Variants in CFAP20DC observed in about 807,000 individuals in gnomAD.
CFAP20DC encodes CFAP20 domain containing, also known as protein CFAP20DC.
A neutral mutation model predicts 101.7 loss-of-function variants in CFAP20DC; 84 were observed. The ratio of observed to expected loss-of-function variants is 0.83; its 90% confidence interval spans 0.69 to 0.99. The LOEUF is 0.99. Among genes scored for constraint, CFAP20DC ranks in the 50% least tolerant of loss-of-function variants. The pLI, the probability that CFAP20DC is intolerant of heterozygous loss-of-function variation, is 0.00. For synonymous variants in CFAP20DC, 359 were observed against 351.2 expected, an observed-to-expected ratio of 1.02 and a Z score of -0.25; for missense variants, 1,007 against 970.3, an observed-to-expected ratio of 1.04 and a Z score of -0.50.
Position 59,047,621 on chromosome 3 carries a change from G to A in CFAP20DC, c.22-367C>T, listed in dbSNP as rs867985817. ...TGCAACCACACTAAAGGGTTTAAAC[G>A]CAATTCTTGAATCAGGCCAATACAT... On this transcript the variant is annotated intron_variant, in intron 1 of 16. Transcript: ENST00000482387. 7.2e-5 allele frequency among the ~76,000 whole-genome samples: 11 copies of A among 152,216 alleles called. No homozygotes were observed. In the South Asian group the frequency reaches 1.0e-3, roughly 14 times the overall value.
At chr3:58,818,562 A>G (rs2075373905) in intron 14 of CFAP20DC, among the ~76,000 whole-genome samples, 1 of 149,532 alleles carries the variant, frequency 6.7e-6, no homozygotes, top group Admixed American at 6.7e-5. Context: ...ACATAATGGT[A>G]AAGGGATCAA....
In CFAP20DC at chr3:58,863,935, T is replaced by C. The variant is rs778864224; in HGVS notation, c.1259-43A>G. On this transcript the variant is annotated intron_variant, in intron 11 of 16. Coordinates refer to ENST00000482387, the MANE Select transcript of CFAP20DC (RefSeq NM_001394063.1). This position sits in a 1 kb window ranked among gnomAD's most constrained non-coding sequence, Gnocchi z 5.9. ...TGACAAAAATTAGAGCAGTAATCCA[T>C]AAAAGTGTTATTTTTATTTATTTAT... 3 of 1,516,978 alleles carry C rather than the reference T, an allele frequency of 2.0e-6. No individual in the cohort carries two copies. The highest frequency in any genetic ancestry group is 1.3e-5 in the South Asian group (1 of 76,930). 94.0% of individuals were successfully genotyped at this position (1,516,978 alleles called of 1,614,324 possible).
At chr3:58,966,636 A>C (rs939407250) in intron 4 of CFAP20DC, among the ~76,000 whole-genome samples, 17 of 150,660 alleles carry the variant, frequency 1.1e-4, no homozygotes, top group Admixed American at 6.6e-4. Flanking sequence ...CGATTCTCCT[A>C]CCTCAGCCTC....
intron 7 of CFAP20DC, among the ~76,000 whole-genome samples, chr3:58,881,417 T>G (rs2081221519): frequency 6.6e-6 from 1 of 152,106 alleles, no homozygotes; most frequent in Non-Finnish European, 1.5e-5. Flanking sequence ...AATAAGATCA[T>G]CAGATTCCAC....
At chr3:58,854,325 G>A (rs1369167196) in intron 12 of CFAP20DC, among the ~76,000 whole-genome samples, 2 of 151,254 alleles carry the variant, frequency 1.3e-5, no homozygotes, top group African/African-American at 4.9e-5. Context: ...ACTGCTCAAG[G>A]AAATAAAAGA....
At chr3:58,989,357 G>A (rs1474194445) in intron 4 of CFAP20DC, among the ~76,000 whole-genome samples, 2 of 152,200 alleles carry the variant, frequency 1.3e-5, no homozygotes, top group African/African-American at 4.8e-5. Flanking sequence ...AGAACATGCT[G>A]TTTTTAGAAT....
chr3:59,025,537 T>C, intron 4 of CFAP20DC, among the ~76,000 whole-genome samples: 1 of 152,176 alleles, frequency 6.6e-6, no homozygotes, highest in East Asian at 1.9e-4. Flanking sequence ...ACTTAGAATT[T>C]GGCATTATTG....
In CFAP20DC at chr3:59,015,187, A is replaced by G. The variant is rs575889993; in HGVS notation, c.278+24370T>C. ...TCCTGCAGGTGCCTTGGGTGTCTAA[A>G]GATGTCTGTAGTTAGCAGCCAGGAT... On this transcript the variant is annotated intron_variant, in intron 4 of 16. Coordinates refer to ENST00000482387, the MANE Select transcript of CFAP20DC (RefSeq NM_001394063.1). This position sits in a 1 kb window ranked among gnomAD's most constrained non-coding sequence, Gnocchi z 5.4. 7.9e-5 allele frequency among the ~76,000 whole-genome samples: 12 copies of G among 152,188 alleles called. 1 individual carries two copies. In the South Asian group the frequency reaches 2.5e-3, roughly 32 times the overall value.
At chr3:58,854,085 C>T (rs202242529) in intron 12 of CFAP20DC, among the ~76,000 whole-genome samples, 1 of 152,066 alleles carries the variant, frequency 6.6e-6, no homozygotes, top group Non-Finnish European at 1.5e-5. Context: ...TCTAGAAAAC[C>T]CCATTGTCTC....
chr3:59,043,207 G>C (rs1327259201), intron 3 of CFAP20DC, among the ~76,000 whole-genome samples: 1 of 149,240 alleles, frequency 6.7e-6, no homozygotes, highest in African/African-American at 2.5e-5. Context: ...AGTGTAGATA[G>C]AGTGCCAACG....
chr3:58,746,049 C>T (rs1322185367), intron 16 of CFAP20DC, among the ~76,000 whole-genome samples: 1 of 152,090 alleles, frequency 6.6e-6, no homozygotes, highest in Non-Finnish European at 1.5e-5. Flanking sequence ...TACGTTTATA[C>T]CTTATTCCCT....
intron 5 of CFAP20DC, among the ~76,000 whole-genome samples, chr3:58,934,525 A>G (rs2087233413): frequency 6.6e-6 from 1 of 152,250 alleles, no homozygotes; most frequent in African/African-American, 2.4e-5. Context: ...AATCCTCAAT[A>G]AAATACTGGC....
chr3:58,782,539 A>G (rs962102367), intron 15 of CFAP20DC, among the ~76,000 whole-genome samples: 1 of 151,952 alleles, frequency 6.6e-6, no homozygotes, highest in Non-Finnish European at 1.5e-5. Flanking sequence ...AAACCTAAAG[A>G]CTCCAGAAAA....
At chr3:58,734,027 G>T (rs1241216258) in intron 3 of CFAP20DC, among the ~76,000 whole-genome samples, 2 of 152,182 alleles carry the variant, frequency 1.3e-5, no homozygotes, top group African/African-American at 2.4e-5. Flanking sequence ...GGTGGGAGGT[G>T]ATTGGTCATG....
At chr3:58,904,090 T>C (rs1181911530) in intron 6 of CFAP20DC, among the ~76,000 whole-genome samples, 1 of 152,176 alleles carries the variant, frequency 6.6e-6, no homozygotes, top group Non-Finnish European at 1.5e-5. Context: ...CTCAACAATA[T>C]TAAATCTTCT....
chr3:58,733,534 TG>T (rs1393228391), intron 3 of CFAP20DC, among the ~76,000 whole-genome samples: 1 of 152,202 alleles, frequency 6.6e-6, no homozygotes, highest in African/African-American at 2.4e-5. Flanking sequence ...TTAACATACA[TG>T]AGCTGCTTGG....
chr3:58,734,495 G>A (rs3762702), intron 3 of CFAP20DC: 30,491 of 453,958 alleles, frequency 0.067, 2,166 homozygotes, highest in East Asian at 0.36. Context: ...CTTTTTCTTC[G>A]GTGGTCCATT....
In CFAP20DC at chr3:58,816,746, T is replaced by G. The variant is rs371938507; in HGVS notation, c.2176-10290A>C. 6.5e-3 allele frequency among the ~76,000 whole-genome samples: 983 copies of G among 152,086 alleles called. 4 individuals are homozygous for G. Among genetic ancestry groups the G allele is most frequent in the African/African-American group, 0.018 (746 of 41,490 alleles). On this transcript the variant is annotated intron_variant, in intron 14 of 16. Coordinates refer to ENST00000482387, the MANE Select transcript of CFAP20DC (RefSeq NM_001394063.1). ...CCGCCATTGCCCAGGCTTGCTTAGGTAAACAAAGCAGCCAGGAAGCTCGAA... is the reference window on the plus strand; with the variant it reads ...CCGCCATTGCCCAGGCTTGCTTAGGGAAACAAAGCAGCCAGGAAGCTCGAA...
Position 59,006,671 on chromosome 3 carries a change from T to C in CFAP20DC, c.278+32886A>G, listed in dbSNP as rs750018148. Among the ~76,000 whole-genome samples, 2 of 152,180 alleles carry C rather than the reference T, an allele frequency of 1.3e-5. No homozygotes were observed. Among genetic ancestry groups the C allele is most frequent in the South Asian group, 2.1e-4 (1 of 4,816 alleles). On this transcript the variant is annotated intron_variant, in intron 4 of 16. Transcript: ENST00000482387. The surrounding 1 kb of genome is among the most constrained non-coding windows in gnomAD (Gnocchi z 4.3). Reference sequence around the variant, plus strand: ...CTCGTAGGCAGTCCCATTCTCCAGCTTGAGCCCAGGGAAGCCAACCCTGAC... The same window carrying C: ...CTCGTAGGCAGTCCCATTCTCCAGCCTGAGCCCAGGGAAGCCAACCCTGAC...
Sources: allele counts gnomAD v4.1 joint callset (sites outside exome capture counted in the v4.1 genomes callset), GRCh38; gene constraint gnomAD v4.1.1; non-coding constraint Gnocchi (gnomAD v3.1); transcripts MANE v1.5; gene names NCBI Gene and HGNC (gene_info 2026-07-23, HGNC 2026-07-21).